Variants in PDE4B observed in about 807,000 individuals in gnomAD.
The protein encoded by PDE4B is phosphodiesterase 4B.
In PDE4B, 20 loss-of-function variants were observed where a neutral mutation model predicts 82.2. That is an observed-to-expected ratio of 0.24 (90% confidence interval 0.17 to 0.35). The LOEUF is 0.35. Among genes scored for constraint, PDE4B ranks in the 10% least tolerant of loss-of-function variants. The pLI, the probability that PDE4B is intolerant of heterozygous loss-of-function variation, is 1.00. For synonymous variants in PDE4B, 320 were observed against 318.9 expected (o/e 1.00, Z -0.04); for missense variants, 655 against 907.2 (o/e 0.72, Z 3.57).
rs369060694 is a variant in PDE4B, at chr1:66,332,233, G to A, written c.635-275G>A. 5.6e-5 allele frequency: 81 copies of A among 1,446,106 alleles called. No individual in the cohort carries two copies. In the East Asian group the frequency reaches 1.5e-3, roughly 27 times the overall value. The allele number at this position is 1,446,106 out of a possible 1,614,324, so 89.6% of individuals were successfully genotyped here. On this transcript the variant is annotated intron_variant, in intron 7 of 16. Coordinates refer to ENST00000341517, the MANE Select transcript of PDE4B (RefSeq NM_002600.4). Reference sequence around the variant, plus strand: ...GAGCTTATAAGAGACCGTTCCCTCCGCCTTCTTCCTCAGAGGAAGTTTCTT... The same window carrying A: ...GAGCTTATAAGAGACCGTTCCCTCCACCTTCTTCCTCAGAGGAAGTTTCTT...
intron 3 of PDE4B, among the ~76,000 whole-genome samples, chr1:66,054,356 G>A (rs1655193311): frequency 6.6e-6 from 1 of 152,064 alleles, no homozygotes; most frequent in African/African-American, 2.4e-5. Context: ...CATATTTTAG[G>A]TATACAATTT....
At chr1:66,277,137 T>A (rs1193508830) in intron 7 of PDE4B, among the ~76,000 whole-genome samples, 2 of 151,916 alleles carry the variant, frequency 1.3e-5, no homozygotes, top group African/African-American at 2.4e-5. Flanking sequence ...GTAGCTGGGG[T>A]AGATCGAGGG....
chr1:66,106,329 A>T, intron 3 of PDE4B, among the ~76,000 whole-genome samples: 1 of 151,782 alleles, frequency 6.6e-6, no homozygotes, highest in Non-Finnish European at 1.5e-5. Context: ...GTGCTGCTGG[A>T]TTTGGTTTGC....
At chr1:66,239,380 A>G (rs1204041724) in intron 3 of PDE4B, among the ~76,000 whole-genome samples, 6 of 152,160 alleles carry the variant, frequency 3.9e-5, no homozygotes, top group Admixed American at 1.3e-4. Flanking sequence ...TCTTTTAGAG[A>G]ACTTTTCCTT....
At chr1:66,128,141 T>C (rs1645862450) in intron 3 of PDE4B, among the ~76,000 whole-genome samples, 1 of 152,182 alleles carries the variant, frequency 6.6e-6, no homozygotes, top group South Asian at 2.1e-4. Flanking sequence ...ACTAAATTTT[T>C]TTCAAATTCT....
intron 7 of PDE4B, among the ~76,000 whole-genome samples, chr1:66,294,615 A>G (rs1474231594): frequency 1.3e-5 from 2 of 152,222 alleles, no homozygotes; most frequent in Admixed American, 1.3e-4. Flanking sequence ...AGATAAAAGA[A>G]ATAAGCAATA....
At chr1:66,189,030 G>A (rs1647476920) in intron 3 of PDE4B, among the ~76,000 whole-genome samples, 3 of 150,012 alleles carry the variant, frequency 2.0e-5, no homozygotes, top group African/African-American at 7.4e-5. Flanking sequence ...GGCAAGCCTG[G>A]TGGTGACAAA....
intron 3 of PDE4B, among the ~76,000 whole-genome samples, chr1:65,989,274 G>A (rs1301613199): frequency 1.3e-5 from 2 of 152,112 alleles, no homozygotes; most frequent in East Asian, 3.9e-4. Flanking sequence ...GCTGAGGCAG[G>A]CAGATTACAT....
intron 8 of PDE4B, among the ~76,000 whole-genome samples, chr1:66,348,320 TATG>T (rs1443723515): frequency 6.6e-6 from 1 of 152,216 alleles, no homozygotes; most frequent in Non-Finnish European, 1.5e-5. Context: ...TCTCAGTTAC[TATG>T]ATGATTTTTG....
chr1:65,931,142 C>G (rs1411844648), intron 3 of PDE4B, among the ~76,000 whole-genome samples: 1 of 152,164 alleles, frequency 6.6e-6, no homozygotes, highest in Non-Finnish European at 1.5e-5. Flanking sequence ...TCTCTCTCTT[C>G]TTCCTGCTCC....
intron 3 of PDE4B, among the ~76,000 whole-genome samples, chr1:65,960,879 C>G (rs183939952): frequency 1.1e-4 from 16 of 152,150 alleles, no homozygotes; most frequent in Non-Finnish European, 1.5e-5. Context: ...TGGCTCCTCT[C>G]TCTGAACTCA....
chr1:65,838,354 C>T (rs1191670209), intron 1 of PDE4B, among the ~76,000 whole-genome samples: 1 of 151,838 alleles, frequency 6.6e-6, no homozygotes, highest in East Asian at 1.9e-4. Context: ...GAAATAAAAA[C>T]TATAGTAGAA....
chr1:66,163,906 C>T (rs1164843166), intron 3 of PDE4B, among the ~76,000 whole-genome samples: 1 of 152,136 alleles, frequency 6.6e-6, no homozygotes, highest in African/African-American at 2.4e-5. Flanking sequence ...TGTCTTTTAT[C>T]ATGTTAGCTG....
chr1:66,287,454 A>C (rs540730030), intron 7 of PDE4B, among the ~76,000 whole-genome samples: 1 of 152,288 alleles, frequency 6.6e-6, no homozygotes, highest in East Asian at 1.9e-4. Context: ...AATTAGCTGT[A>C]ATCCTAGCAA....
At chr1:65,850,241 C>T (rs541645185) in intron 1 of PDE4B, among the ~76,000 whole-genome samples, 20 of 150,528 alleles carry the variant, frequency 1.3e-4, no homozygotes, top group African/African-American at 3.9e-4. Flanking sequence ...GGATTACAGG[C>T]GCCTGCCACC....
intron 7 of PDE4B, among the ~76,000 whole-genome samples, chr1:66,318,147 G>A (rs1659153820): frequency 1.3e-5 from 2 of 152,074 alleles, no homozygotes; most frequent in Admixed American, 1.3e-4. Context: ...TCTATAGACT[G>A]GTATAGTGAT....
intron 3 of PDE4B, among the ~76,000 whole-genome samples, chr1:66,157,728 G>A (rs1477652200): frequency 1.3e-5 from 2 of 151,934 alleles, no homozygotes; most frequent in African/African-American, 4.8e-5. Context: ...AATTCCAAGA[G>A]GTTTGTTTTC....
intron 8 of PDE4B, among the ~76,000 whole-genome samples, chr1:66,344,645 A>C (rs1661253737): frequency 6.6e-6 from 1 of 152,210 alleles, no homozygotes; most frequent in Admixed American, 6.5e-5. Flanking sequence ...ACTCCTTGGT[A>C]GGAGTAGATT....
chr1:65,811,822 T>C (rs1234525895), intron 1 of PDE4B, among the ~76,000 whole-genome samples: 1 of 152,172 alleles, frequency 6.6e-6, no homozygotes, highest in Non-Finnish European at 1.5e-5. Flanking sequence ...ATACTTTTAT[T>C]TCAATAAATT....
Sources: gnomAD v4.1 joint callset for allele counts (sites outside exome capture counted in the v4.1 genomes callset) on GRCh38, gnomAD v4.1.1 for gene constraint, MANE v1.5 for transcripts, NCBI Gene and HGNC (gene_info 2026-07-23, HGNC 2026-07-21) for gene names.